Variants in GRIA2 observed in about 807,000 individuals in gnomAD.
GRIA2 encodes glutamate ionotropic receptor AMPA type subunit 2, also known as glutamate receptor 2.
Under a neutral mutation model 97.3 loss-of-function variants are expected in GRIA2, and 14 were observed. The ratio of observed to expected loss-of-function variants is 0.14; its 90% CI spans 0.10 to 0.23. The LOEUF (loss-of-function observed/expected upper bound fraction) is 0.23. Among genes scored for constraint, GRIA2 ranks in the 10% least tolerant of loss-of-function variants. The pLI, the probability that GRIA2 is intolerant of heterozygous loss-of-function variation, is 1.00. For synonymous variants in GRIA2, 412 were observed against 387.8 expected, an observed-to-expected ratio of 1.06 and a Z score of -0.73; for missense variants, 558 against 1,069.8, an observed-to-expected ratio of 0.52 and a Z score of 6.67.
intron 6 of GRIA2, among the ~76,000 whole-genome samples, chr4:157,331,450 A>C (rs561419949): frequency 6.6e-6 from 1 of 152,012 alleles, no homozygotes; most frequent in African/African-American, 2.4e-5. Flanking sequence ...TGACTTATTC[A>C]ATTTAGCTTA....
intron 2 of GRIA2, among the ~76,000 whole-genome samples, chr4:157,285,960 T>C (rs532529093): frequency 1.3e-5 from 2 of 151,626 alleles, no homozygotes; most frequent in East Asian, 3.9e-4. Context: ...GTAGGTGATA[T>C]AATAATAAGG....
intron 12 of GRIA2, among the ~76,000 whole-genome samples, chr4:157,343,711 A>G (rs2126956552): frequency 6.6e-6 from 1 of 152,234 alleles, no homozygotes; most frequent in Non-Finnish European, 1.5e-5. Context: ...TGTTTGTAAC[A>G]AAAAAGAGAA....
At position 157,361,990 on chromosome 4, in the gene GRIA2, G is replaced by C; in HGVS notation, c.2407-809G>C. On this transcript the variant is annotated intron_variant, in intron 14 of 15. Coordinates refer to ENST00000264426, the MANE Select transcript of GRIA2 (RefSeq NM_001083619.3). This position sits in a 1 kb window ranked among gnomAD's most constrained non-coding sequence, Gnocchi z 5.2. ...AAACACTTAAGATTAAGTGATTATA[G>C]GGATGTGTGTTTTCCTTGTCTGTTT... Among the ~76,000 whole-genome samples, 2 of 152,228 alleles carry C rather than the reference G, an allele frequency of 1.3e-5. No homozygotes were observed. The highest frequency in any genetic ancestry group is 6.8e-3 in the Middle Eastern group (2 of 294).
chr4:157,312,575 C>A (rs1734127253), intron 3 of GRIA2, 104 bp from the exon 4 acceptor site: 6 of 610,080 alleles, frequency 9.8e-6, no homozygotes, highest in Non-Finnish European at 1.6e-5. Flanking sequence ...CCTTTAGTTG[C>A]ACAAATATAT....
intron 2 of GRIA2, among the ~76,000 whole-genome samples, chr4:157,303,229 T>A (rs72687317): frequency 0.012 from 1,800 of 152,276 alleles, 40 homozygotes; most frequent in Non-Finnish European, 0.012. Flanking sequence ...GACTACAGTT[T>A]GTTCTTATAG....
chr4:157,284,816 A>G (rs1732765604), intron 2 of GRIA2, among the ~76,000 whole-genome samples: 1 of 151,722 alleles, frequency 6.6e-6, no homozygotes, highest in Non-Finnish European at 1.5e-5. Flanking sequence ...ACTGCCGAAT[A>G]TTATTTCATT....
At chr4:157,231,830 A>T (rs1019927234) in intron 2 of GRIA2, among the ~76,000 whole-genome samples, 18 of 152,246 alleles carry the variant, frequency 1.2e-4, no homozygotes, top group Middle Eastern at 3.4e-3. Context: ...GATATTTTTT[A>T]AAAAAATTAA....
At chr4:157,334,747 T>G (rs1447452335) in intron 9 of GRIA2, 1 of 152,012 alleles carries the variant, frequency 6.6e-6, no homozygotes, top group African/African-American at 2.4e-5. Flanking sequence ...AGGACAGAAT[T>G]TTGTGACAAA....
chr4:157,365,786 A>G lies in GRIA2; in HGVS notation c.*2355A>G, dbSNP rs1284782506. 6.6e-6 allele frequency: 1 copy of G among 151,936 alleles called. No homozygotes were observed. Among genetic ancestry groups the G allele is most frequent in the African/African-American group, 2.4e-5 (1 of 41,374 alleles). 9.4% of individuals were successfully genotyped at this position (151,936 alleles called of 1,614,324 possible). A position where few individuals can be genotyped will look rare whatever the true frequency, so the allele number is the denominator to read the frequency against. ...ATTTTATATAAAAACTGTTATGGAA[A>G]GACCAAAATGTTTATGAACTATTCT... is the stretch of plus-strand genomic sequence containing the variant. On this transcript the variant is annotated 3_prime_UTR_variant, in exon 16 of 16. Coordinates refer to ENST00000264426, the MANE Select transcript of GRIA2 (RefSeq NM_001083619.3).
intron 2 of GRIA2, chr4:157,249,767 C>T (rs1416766442): frequency 6.6e-6 from 1 of 152,140 alleles, no homozygotes; most frequent in Admixed American, 6.6e-5. Context: ...GATGTATTTA[C>T]TGTTAATTGT....
At position 157,262,848 on chromosome 4, in the gene GRIA2, TA is replaced by T. The variant is rs1247561445; in HGVS notation, c.230-40703del. On this transcript the variant is annotated intron_variant, in intron 2 of 15. Coordinates refer to ENST00000264426, the MANE Select transcript of GRIA2 (RefSeq NM_001083619.3). ...CTTCTTAGGGAAACCACTTTGCTTC[TA>T]TTTTCCATGTATATTAATACCTCCA... 1.6e-4 allele frequency among the ~76,000 whole-genome samples: 24 copies of T among 152,220 alleles called. No individual in the cohort carries two copies. In the East Asian group the frequency reaches 4.7e-3, roughly 30 times the overall value.
At chr4:157,328,808 C>A (rs1734921206) in intron 6 of GRIA2, among the ~76,000 whole-genome samples, 1 of 151,770 alleles carries the variant, frequency 6.6e-6, no homozygotes, top group South Asian at 2.1e-4. Flanking sequence ...ACATTTATTC[C>A]TTTTACCTGA....
chr4:157,232,981 A>G (rs541303553), intron 2 of GRIA2, among the ~76,000 whole-genome samples: 20 of 152,314 alleles, frequency 1.3e-4, no homozygotes, highest in African/African-American at 4.6e-4. Flanking sequence ...ATAAAACACT[A>G]TGAGCTGTGT....
At chr4:157,222,825 A>C (rs1227400759) in intron 2 of GRIA2, among the ~76,000 whole-genome samples, 1 of 152,168 alleles carries the variant, frequency 6.6e-6, no homozygotes, top group Non-Finnish European at 1.5e-5. Context: ...TTAGGGATCT[A>C]AAAGGATTGG....
intron 12 of GRIA2, among the ~76,000 whole-genome samples, chr4:157,352,305 C>T (rs1383415053): frequency 6.6e-6 from 1 of 152,022 alleles, no homozygotes; most frequent in Admixed American, 6.6e-5. Context: ...GCTATGCTAA[C>T]TTAGGAAAGG....
intron 2 of GRIA2, among the ~76,000 whole-genome samples, chr4:157,241,856 T>A (rs1010068977): frequency 6.6e-6 from 1 of 152,066 alleles, no homozygotes. Flanking sequence ...ATGAAAACGA[T>A]ACAAAAAGTA....
chr4:157,357,079 A>G (rs1192093684), intron 12 of GRIA2, among the ~76,000 whole-genome samples: 2 of 152,056 alleles, frequency 1.3e-5, no homozygotes, highest in African/African-American at 2.4e-5. Context: ...TATTTTTGCT[A>G]TGGTTTTGGA....
At chr4:157,241,493 C>T (rs1437213813) in intron 2 of GRIA2, among the ~76,000 whole-genome samples, 1 of 152,042 alleles carries the variant, frequency 6.6e-6, no homozygotes, top group Non-Finnish European at 1.5e-5. Context: ...TTGCCTCTCT[C>T]CATTTCTTTT....
intron 6 of GRIA2, among the ~76,000 whole-genome samples, chr4:157,328,739 A>G (rs1172051314): frequency 2.6e-5 from 4 of 152,162 alleles, no homozygotes; most frequent in African/African-American, 4.8e-5. Context: ...TTAATCTGTA[A>G]GATTTTCAGT....
Sources: allele counts gnomAD v4.1 joint callset (sites outside exome capture counted in the v4.1 genomes callset), GRCh38; gene constraint gnomAD v4.1.1; non-coding constraint Gnocchi (gnomAD v3.1); transcripts MANE v1.5; gene names NCBI Gene and HGNC (gene_info 2026-07-23, HGNC 2026-07-21).